STK3: variants seen among roughly 807,000 people sequenced by gnomAD.
STK3 encodes serine/threonine-protein kinase 3.
In STK3, 41 loss-of-function variants were observed where a neutral mutation model predicts 58.0. That is an observed-to-expected ratio of 0.71 (90% CI 0.55 to 0.92). The LOEUF is 0.92. Among genes scored for constraint, STK3 ranks in the 40% least tolerant of loss-of-function variants. The pLI is 0.00. For synonymous variants in STK3, 170 were observed against 191.0 expected (o/e 0.89, Z 0.91); for missense variants, 479 against 602.7 (o/e 0.79, Z 2.15).
chr8:98,519,206 T>C (rs1041759998), intron 10 of STK3, among the ~76,000 whole-genome samples: 7 of 152,102 alleles, frequency 4.6e-5, no homozygotes, highest in Non-Finnish European at 7.4e-5. Flanking sequence ...AGGAAAACTA[T>C]AGCCAATATC....
intron 6 of STK3, among the ~76,000 whole-genome samples, chr8:98,680,983 T>C (rs1353287299): frequency 6.9e-6 from 1 of 144,686 alleles, no homozygotes; most frequent in Non-Finnish European, 1.5e-5. Flanking sequence ...CCACCTTTCT[T>C]TTTTTTTTTT....
intron 1 of STK3, among the ~76,000 whole-genome samples, chr8:98,941,694 C>A (rs946873213): frequency 2.0e-5 from 3 of 152,184 alleles, no homozygotes; most frequent in Non-Finnish European, 4.4e-5. Context: ...GCGCTGCGCG[C>A]CCCCTCCTCC....
intron 7 of STK3, among the ~76,000 whole-genome samples, chr8:98,593,889 A>AC (rs1178921606): frequency 8.6e-5 from 13 of 151,754 alleles, no homozygotes; most frequent in African/African-American, 2.4e-4. Context: ...TAATTATCCT[A>AC]CCCCCCCAAA....
chr8:98,608,437 GTTT>G, intron 6 of STK3, among the ~76,000 whole-genome samples: 1 of 152,220 alleles, frequency 6.6e-6, no homozygotes, highest in South Asian at 2.1e-4. Flanking sequence ...ATTTTCTTCT[GTTT>G]GATGCATGTT....
At chr8:98,491,659 G>A (rs1414949556) in intron 10 of STK3, among the ~76,000 whole-genome samples, 1 of 151,964 alleles carries the variant, frequency 6.6e-6, no homozygotes, top group Non-Finnish European at 1.5e-5. Flanking sequence ...GGTCTTGAAC[G>A]CCCAACCTCA....
Position 98,596,142 on chromosome 8 carries a change from G to A in STK3, c.712C>T (p.Pro238Ser). Residue 238 changes from proline to serine, a missense_variant, in exon 7 of 11, where the codon CCA (proline) becomes TCA (serine). Transcript: ENST00000419617. ...RAIFMIPTNP[P>S]PTFRKPELWS... ...AGTTCTGGCTTTCTGAATGTTGGTG[G>A]TGGATTTGTGGGAATCATAAAAATA... 6.2e-7 allele frequency: 1 copy of A among 1,612,858 alleles called. No individual in the cohort carries two copies. Among genetic ancestry groups the A allele is most frequent in the Non-Finnish European group, 8.5e-7 (1 of 1,179,386 alleles).
At chr8:98,821,506 A>G (rs1223348738) in intron 1 of STK3, among the ~76,000 whole-genome samples, 2 of 151,844 alleles carry the variant, frequency 1.3e-5, no homozygotes, top group Non-Finnish European at 2.9e-5. Context: ...AAATTAAAAA[A>G]AAAAAAAATT....
chr8:98,349,710 C>A, the STK3 span, among the ~76,000 whole-genome samples: 1 of 152,212 alleles, frequency 6.6e-6, no homozygotes, highest in Non-Finnish European at 1.5e-5. Context: ...CTTCTGTGTA[C>A]CTGCAGGCTC....
intron 1 of STK3, among the ~76,000 whole-genome samples, chr8:98,928,955 T>G (rs1436738762): frequency 6.6e-6 from 1 of 152,220 alleles, no homozygotes. Context: ...AAAAAGATTT[T>G]TAATTCAAAG....
intron 1 of STK3, among the ~76,000 whole-genome samples, chr8:98,780,395 C>T (rs1242401730): frequency 3.9e-5 from 6 of 152,010 alleles, no homozygotes; most frequent in Admixed American, 3.9e-4. Context: ...GTGAAGTTGA[C>T]CATCTTTTCA....
chr8:98,587,012 C>T lies in STK3; in HGVS notation c.823-7223G>A, dbSNP rs898243666. Among the ~76,000 whole-genome samples, 30 of 151,862 alleles carry T rather than the reference C, an allele frequency of 2.0e-4. 1 individual carries two copies. Among genetic ancestry groups the T allele is most frequent in the African/African-American group, 5.8e-4 (24 of 41,262 alleles). On this transcript the variant is annotated intron_variant, in intron 7 of 10. Transcript: ENST00000419617. Reference sequence around the variant, plus strand: ...TTTTTTTCTTTATTAGTCTTGCTAGCGGTCTATCAATTTTGTTGATCCTTT... The same window carrying T: ...TTTTTTTCTTTATTAGTCTTGCTAGTGGTCTATCAATTTTGTTGATCCTTT...
chr8:98,567,437 A>AT (rs779750254), intron 8 of STK3, among the ~76,000 whole-genome samples: 2 of 152,160 alleles, frequency 1.3e-5, no homozygotes, highest in South Asian at 4.1e-4. Context: ...AGCTTAAGCT[A>AT]TCCACCTGCC....
intron 9 of STK3, among the ~76,000 whole-genome samples, chr8:98,531,957 G>A (rs770356964): frequency 6.6e-5 from 10 of 152,196 alleles, no homozygotes; most frequent in Non-Finnish European, 1.2e-4. Flanking sequence ...TTTGGCTTAA[G>A]GAAATGTTGT....
the STK3 span, among the ~76,000 whole-genome samples, chr8:98,353,350 G>T: frequency 1.3e-5 from 2 of 152,110 alleles, no homozygotes; most frequent in Non-Finnish European, 2.9e-5. Flanking sequence ...AATTATCTGG[G>T]TGTGGTTGTG....
At chr8:98,695,660 T>C (rs1449922680) in intron 6 of STK3, among the ~76,000 whole-genome samples, 2 of 152,226 alleles carry the variant, frequency 1.3e-5, no homozygotes, top group African/African-American at 2.4e-5. Flanking sequence ...TAGTTGTAGA[T>C]ATGAAGCATT....
chr8:98,886,947 A>T (rs2131911726), intron 1 of STK3, among the ~76,000 whole-genome samples: 1 of 152,094 alleles, frequency 6.6e-6, no homozygotes, highest in East Asian at 1.9e-4. Context: ...AAAATACAAA[A>T]ATTAGCTGGG....
At chr8:98,734,455 C>A (rs1828426709) in intron 4 of STK3, among the ~76,000 whole-genome samples, 1 of 151,956 alleles carries the variant, frequency 6.6e-6, no homozygotes. Context: ...GTAGTCAAAT[C>A]AAAAAATGGG....
intron 1 of STK3, among the ~76,000 whole-genome samples, chr8:98,887,013 G>A (rs533694335): frequency 2.6e-5 from 4 of 152,162 alleles, no homozygotes; most frequent in Admixed American, 6.5e-5. Context: ...CAGGAGAATC[G>A]CTTGAACCAG....
At chr8:98,842,816 C>T (rs1218235444) in intron 3 of STK3, among the ~76,000 whole-genome samples, 1 of 152,054 alleles carries the variant, frequency 6.6e-6, no homozygotes. Flanking sequence ...GCCTGGGCAA[C>T]ATGGTGAAAC....
Sources: gnomAD v4.1 joint callset for allele counts (sites outside exome capture counted in the v4.1 genomes callset) on GRCh38, gnomAD v4.1.1 for gene constraint, MANE v1.5 for transcripts, NCBI Gene and HGNC (gene_info 2026-07-23, HGNC 2026-07-21) for gene names.